The following SEMA5A variants were observed in gnomAD, a reference collection of about 807,000 sequenced individuals.
SEMA5A encodes the protein semaphorin-5A.
In SEMA5A, 55 loss-of-function variants were observed where a neutral mutation model predicts 135.5. The observed-to-expected ratio is 0.41, with a 90% CI of 0.33 to 0.51. The LOEUF is 0.51. Ranked by LOEUF, SEMA5A falls within the 20% of genes least tolerant of loss-of-function variation. The pLI, the probability that SEMA5A is intolerant of heterozygous loss-of-function variation, is 0.37. For synonymous variants in SEMA5A, 580 were observed against 546.5 expected, an observed-to-expected ratio of 1.06 and a Z score of -0.85; for missense variants, 1,290 against 1,419.9, an observed-to-expected ratio of 0.91 and a Z score of 1.47.
At chr5:9,047,180 G>A (rs1736308963) in intron 21 of SEMA5A, among the ~76,000 whole-genome samples, 1 of 152,108 alleles carries the variant, frequency 6.6e-6, no homozygotes. Context: ...GCACTCTCAG[G>A]GTCAATGCCT....
intron 5 of SEMA5A, among the ~76,000 whole-genome samples, chr5:9,310,635 G>A (rs1191942959): frequency 6.6e-6 from 1 of 151,582 alleles, no homozygotes; most frequent in African/African-American, 2.4e-5. Context: ...AATTCCAACA[G>A]AGGGTAGTTA....
intron 8 of SEMA5A, among the ~76,000 whole-genome samples, chr5:9,221,582 G>A (rs550686645): frequency 1.4e-4 from 22 of 152,204 alleles, no homozygotes; most frequent in Non-Finnish European, 2.4e-4. Flanking sequence ...GATTACAGGC[G>A]TGAGCCACCG....
chr5:9,350,940 C>T (rs2696371), intron 3 of SEMA5A, among the ~76,000 whole-genome samples: 100,681 of 152,120 alleles, frequency 0.66, 34,245 homozygotes, highest in South Asian at 0.76. Context: ...TTGAACCTGA[C>T]AGTGGTACTG....
chr5:9,456,754 T>C (rs748425032), intron 1 of SEMA5A, among the ~76,000 whole-genome samples: 30 of 152,274 alleles, frequency 2.0e-4, no homozygotes, highest in Admixed American at 1.1e-3. Flanking sequence ...AAAACAGCAC[T>C]GAGGGAAACT....
At chr5:9,536,743 A>C (rs1235752711) in intron 1 of SEMA5A, among the ~76,000 whole-genome samples, 4 of 152,160 alleles carry the variant, frequency 2.6e-5, no homozygotes, top group African/African-American at 9.7e-5. Context: ...TCTGTAAAAC[A>C]CCATTTTTCT....
chr5:9,406,239 G>A, intron 2 of SEMA5A, among the ~76,000 whole-genome samples: 1 of 152,210 alleles, frequency 6.6e-6, no homozygotes, highest in East Asian at 1.9e-4. Flanking sequence ...AAGTCCAGCA[G>A]AGGCAGCGAT....
chr5:9,423,539 G>A (rs901176423), intron 2 of SEMA5A, among the ~76,000 whole-genome samples: 65 of 152,188 alleles, frequency 4.3e-4, no homozygotes, highest in African/African-American at 1.5e-3. Context: ...AATCCTAATG[G>A]CCAGTGCCAA....
At chr5:9,347,975 C>T (rs1339121390) in intron 3 of SEMA5A, among the ~76,000 whole-genome samples, 1 of 152,152 alleles carries the variant, frequency 6.6e-6, no homozygotes, top group Non-Finnish European at 1.5e-5. Context: ...CCCACGTTTT[C>T]AATTCTTTGC....
intron 15 of SEMA5A, among the ~76,000 whole-genome samples, chr5:9,117,629 G>A (rs985149687): frequency 1.4e-4 from 22 of 152,160 alleles, no homozygotes; most frequent in Admixed American, 1.2e-3. Context: ...AAAAAACCGT[G>A]TGGAAATTTC....
chr5:9,061,922 G>A (rs905594527), intron 18 of SEMA5A, among the ~76,000 whole-genome samples: 1 of 152,090 alleles, frequency 6.6e-6, no homozygotes, highest in Non-Finnish European at 1.5e-5. Context: ...TTTGATACCC[G>A]TGACCCTGGA....
At chr5:9,487,136 A>T (rs1385715896) in intron 1 of SEMA5A, among the ~76,000 whole-genome samples, 1 of 152,212 alleles carries the variant, frequency 6.6e-6, no homozygotes, top group African/African-American at 2.4e-5. Context: ...TACAAGAACC[A>T]ATAAAACTTT....
intron 2 of SEMA5A, among the ~76,000 whole-genome samples, chr5:9,408,062 C>CCACCA (rs1159271679): frequency 6.6e-6 from 1 of 151,808 alleles, no homozygotes; most frequent in East Asian, 1.9e-4. Flanking sequence ...ATCACCACTA[C>CCACCA]CACCACACCA....
chr5:9,191,068 G>A (rs371066098), intron 10 of SEMA5A, among the ~76,000 whole-genome samples: 61 of 152,200 alleles, frequency 4.0e-4, no homozygotes, highest in African/African-American at 1.4e-3. Flanking sequence ...AAAATGTTTA[G>A]AGTCCAGGAA....
chr5:9,384,628 A>AT (rs1491516202), intron 2 of SEMA5A, among the ~76,000 whole-genome samples: 1 of 106,722 alleles, frequency 9.4e-6, no homozygotes, highest in Non-Finnish European at 1.9e-5. Flanking sequence ...ACATAGATAG[A>AT]TAGATAGATA....
At chr5:9,329,676 A>G (rs1026645904) in intron 4 of SEMA5A, among the ~76,000 whole-genome samples, 8 of 152,220 alleles carry the variant, frequency 5.3e-5, no homozygotes, top group African/African-American at 9.6e-5. Context: ...AAGTTATTCA[A>G]TTATTATCAC....
In SEMA5A at chr5:9,383,519, T is replaced by C. The variant is rs3026306; in HGVS notation, c.-77-3496A>G. ...GGTGCCAAGCACTCACACCCATGCC[T>C]GGCACCCAACAGCCACCCAGAGCCA... On this transcript the variant is annotated intron_variant, in intron 2 of 22. Transcript: ENST00000382496. 3.4e-3 allele frequency among the ~76,000 whole-genome samples: 523 copies of C among 152,320 alleles called. 3 individuals are homozygous for C. The highest frequency in any genetic ancestry group is 4.2e-3 in the Non-Finnish European group (284 of 68,026).
chr5:9,392,472 A>AG (rs1056317819), intron 2 of SEMA5A, among the ~76,000 whole-genome samples: 4 of 152,130 alleles, frequency 2.6e-5, no homozygotes, highest in South Asian at 4.1e-4. Context: ...AGGTAAATTG[A>AG]GGGGGGGAAG....
At chr5:9,427,541 T>A (rs1267662568) in intron 2 of SEMA5A, among the ~76,000 whole-genome samples, 1 of 152,182 alleles carries the variant, frequency 6.6e-6, no homozygotes, top group Non-Finnish European at 1.5e-5. Context: ...TTCTCCTGCT[T>A]TACTAACCTT....
Position 9,142,853 on chromosome 5 carries a change from G to A in SEMA5A, c.1482-6232C>T, listed in dbSNP as rs140550605. On this transcript the variant is annotated intron_variant, in intron 12 of 22. Coordinates refer to ENST00000382496, the MANE Select transcript of SEMA5A (RefSeq NM_003966.3). ...ATGGCACATGCCATGTTGGGAGGCCGAGGCAGGAGAATCACTTGAACCTCA... is the reference window on the plus strand; with the variant it reads ...ATGGCACATGCCATGTTGGGAGGCCAAGGCAGGAGAATCACTTGAACCTCA... Among the ~76,000 whole-genome samples the A allele has an allele frequency of 2.5e-3, 378 of 152,272 alleles. 1 individual carries two copies. Among genetic ancestry groups the A allele is most frequent in the African/African-American group, 8.4e-3 (349 of 41,560 alleles).
Sources: allele counts gnomAD v4.1 joint callset (sites outside exome capture counted in the v4.1 genomes callset), GRCh38; gene constraint gnomAD v4.1.1; transcripts MANE v1.5; gene names NCBI Gene and HGNC (gene_info 2026-07-23, HGNC 2026-07-21).